Variants in GPC5 observed in about 807,000 individuals in gnomAD.
GPC5 encodes the protein glypican 5.
GPC5 carries 47 observed loss-of-function variants against 53.9 expected under a neutral mutation model. The observed-to-expected ratio is 0.87, with a 90% confidence interval of 0.69 to 1.11. GPC5 has a LOEUF of 1.11. Among genes scored for constraint, GPC5 ranks in the 50% most tolerant of loss-of-function variants. The probability of loss-of-function intolerance (pLI) is 0.00; values close to 1 mark genes in which losing one functional copy is unlikely to be tolerated. For missense variants in GPC5, 748 were observed against 713.1 expected (o/e 1.05, Z -0.56); for synonymous variants, 286 against 263.3 (o/e 1.09, Z -0.84).
intron 4 of GPC5, among the ~76,000 whole-genome samples, chr13:91,741,833 T>G (rs530233559): frequency 6.6e-6 from 1 of 152,310 alleles, no homozygotes; most frequent in African/African-American, 2.4e-5. Flanking sequence ...TTCATAGGTC[T>G]GAAAAAATAG....
chr13:92,295,615 T>G (rs1273917433), intron 7 of GPC5, among the ~76,000 whole-genome samples: 3 of 152,202 alleles, frequency 2.0e-5, no homozygotes, highest in African/African-American at 7.2e-5. Flanking sequence ...CTATTAGTAA[T>G]TGTTTTATAA....
At chr13:91,450,054 T>C (rs1018171971) in intron 2 of GPC5, among the ~76,000 whole-genome samples, 1 of 152,168 alleles carries the variant, frequency 6.6e-6, no homozygotes, top group Non-Finnish European at 1.5e-5. Flanking sequence ...TTTAAAATGA[T>C]AGTTATTAAA....
intron 7 of GPC5, among the ~76,000 whole-genome samples, chr13:92,167,070 A>G (rs2042037111): frequency 2.0e-5 from 3 of 151,872 alleles, no homozygotes; most frequent in South Asian, 2.1e-4. Context: ...TAGGGAATGG[A>G]ATGTAAATAA....
intron 4 of GPC5, among the ~76,000 whole-genome samples, chr13:91,734,451 C>T (rs982834330): frequency 1.3e-5 from 2 of 151,212 alleles, no homozygotes; most frequent in Non-Finnish European, 2.9e-5. Flanking sequence ...GCCTAAAACT[C>T]GATTTTCATT....
chr13:92,393,436 G>A (rs1454022319), intron 7 of GPC5, among the ~76,000 whole-genome samples: 1 of 152,196 alleles, frequency 6.6e-6, no homozygotes, highest in Non-Finnish European at 1.5e-5. Context: ...GACCACCTGA[G>A]GACAGGAGTT....
chr13:92,481,570 T>G (rs1879358216), intron 7 of GPC5, among the ~76,000 whole-genome samples: 1 of 152,156 alleles, frequency 6.6e-6, no homozygotes, highest in South Asian at 2.1e-4. Flanking sequence ...TTTCATTTGC[T>G]TACATCTCCC....
chr13:92,189,240 C>A (rs2042205414), intron 7 of GPC5, among the ~76,000 whole-genome samples: 1 of 152,114 alleles, frequency 6.6e-6, no homozygotes, highest in Non-Finnish European at 1.5e-5. Context: ...CTTAACTTGG[C>A]CCATCCTCAG....
chr13:92,190,100 C>A (rs1277901966), intron 7 of GPC5, among the ~76,000 whole-genome samples: 1 of 151,954 alleles, frequency 6.6e-6, no homozygotes, highest in Non-Finnish European at 1.5e-5. Context: ...TTGAAAGAAG[C>A]TTATAAAAAA....
intron 5 of GPC5, among the ~76,000 whole-genome samples, chr13:91,799,701 G>T (rs571347511): frequency 1.6e-4 from 24 of 151,980 alleles, no homozygotes; most frequent in Non-Finnish European, 2.8e-4. Flanking sequence ...GTAGTGTTTT[G>T]AACATTATAG....
chr13:91,777,202 C>G (rs2037724349), intron 5 of GPC5, among the ~76,000 whole-genome samples: 2 of 152,180 alleles, frequency 1.3e-5, no homozygotes. Flanking sequence ...GGTATGCTCC[C>G]TGTTCTTATG....
At chr13:91,927,610 GGTTA>G (rs1279507901) in intron 6 of GPC5, among the ~76,000 whole-genome samples, 1 of 152,002 alleles carries the variant, frequency 6.6e-6, no homozygotes, top group African/African-American at 2.4e-5. Context: ...TTTGGAAATG[GGTTA>G]GTTCTAGTTT....
At chr13:91,450,467 A>G (rs1376472095) in intron 2 of GPC5, among the ~76,000 whole-genome samples, 1 of 152,168 alleles carries the variant, frequency 6.6e-6, no homozygotes, top group Non-Finnish European at 1.5e-5. Flanking sequence ...CTGGATTCAT[A>G]TTGAATCTTG....
chr13:91,626,259 G>A (rs954770789), intron 2 of GPC5, among the ~76,000 whole-genome samples: 1 of 152,058 alleles, frequency 6.6e-6, no homozygotes, highest in Admixed American at 6.6e-5. Flanking sequence ...TCATATATCA[G>A]CTTGACATAT....
intron 7 of GPC5, among the ~76,000 whole-genome samples, chr13:92,425,413 A>G (rs1876787812): frequency 6.6e-6 from 1 of 152,090 alleles, no homozygotes. Context: ...TGGTTTCTAC[A>G]TGCCAAGTAC....
chr13:91,893,104 A>G (rs1310123739), intron 5 of GPC5, among the ~76,000 whole-genome samples: 1 of 151,998 alleles, frequency 6.6e-6, no homozygotes, highest in Non-Finnish European at 1.5e-5. Flanking sequence ...TTAAACAAGC[A>G]ATATTAAATT....
rs545635851 is a variant in GPC5 at position 92,423,287 on chromosome 13, G to A, written c.1561+278298G>A. ...ACATTCAGTCCATTGCAACACTTAC[G>A]AAAACATATAATTCAGAATAAGAAA... On this transcript the variant is annotated intron_variant, in intron 7 of 7. Coordinates refer to ENST00000377067, the MANE Select transcript of GPC5 (RefSeq NM_004466.6). 6.8e-4 allele frequency among the ~76,000 whole-genome samples: 103 copies of A among 152,246 alleles called. 1 individual carries two copies. The highest frequency in any genetic ancestry group is 2.2e-3 in the African/African-American group (91 of 41,552).
At chr13:92,594,852 C>CTCT (rs1173018167) in intron 7 of GPC5, among the ~76,000 whole-genome samples, 13 of 152,304 alleles carry the variant, frequency 8.5e-5, no homozygotes, top group African/African-American at 3.1e-4. Context: ...ATCATCGCTG[C>CTCT]TTTACTTCAC....
At chr13:92,220,818 T>C (rs1055422739) in intron 7 of GPC5, among the ~76,000 whole-genome samples, 1 of 152,204 alleles carries the variant, frequency 6.6e-6, no homozygotes, top group Non-Finnish European at 1.5e-5. Flanking sequence ...AATACATTTA[T>C]TCATATATAA....
chr13:92,558,951 T>C (rs922207929), intron 7 of GPC5, among the ~76,000 whole-genome samples: 2 of 151,914 alleles, frequency 1.3e-5, no homozygotes, highest in African/African-American at 4.8e-5. Flanking sequence ...AAAGTGTTTT[T>C]CAGGCATGAG....
Sources: allele counts gnomAD v4.1 joint callset (sites outside exome capture counted in the v4.1 genomes callset), GRCh38; gene constraint gnomAD v4.1.1; transcripts MANE v1.5; gene names NCBI Gene and HGNC (gene_info 2026-07-23, HGNC 2026-07-21).